Variants in LRTM3 observed in about 807,000 individuals in gnomAD.
The protein encoded by LRTM3 is leucine rich repeat transmembrane protein 3, also known as leucine-rich repeat transmembrane protein 3.
the LRTM3 span, chr13:102,738,588 A>T: frequency 2.3e-4 from 362 of 1,550,214 alleles, no homozygotes; most frequent in Non-Finnish European, 2.0e-4. Context: ...TCTTTTTGCA[A>T]TATAGATTCT....
At chr13:102,739,155 T>TCTA in the LRTM3 span, 1 of 1,550,014 alleles carries the variant, frequency 6.5e-7, no homozygotes, top group Admixed American at 2.0e-5. Flanking sequence ...TGAACTACAT[T>TCTA]TAGATTACTT....
the LRTM3 span, chr13:102,740,494 G>T: frequency 9.7e-6 from 15 of 1,550,040 alleles, no homozygotes; most frequent in East Asian, 2.4e-5. Flanking sequence ...GCTCCCAAAA[G>T]TTCTCATAGG....
the LRTM3 span, chr13:102,731,539 CT>C: frequency 6.4e-7 from 1 of 1,551,322 alleles, no homozygotes; most frequent in Non-Finnish European, 8.7e-7. Context: ...TATCTGGACC[CT>C]CTGGAAAAGG....
chr13:102,742,208 C>T, the LRTM3 span: 2 of 1,550,474 alleles, frequency 1.3e-6, no homozygotes, highest in South Asian at 1.2e-5. Context: ...CTGGATGTTA[C>T]CTCTCAGTTC....
chr13:102,750,837 A>G, the LRTM3 span, among the ~76,000 whole-genome samples: 19 of 152,288 alleles, frequency 1.2e-4, no homozygotes, highest in African/African-American at 4.6e-4. Flanking sequence ...GTTCTTTGAG[A>G]TCAAAAGAAA....
chr13:102,730,096 A>G, the LRTM3 span: 21 of 1,550,534 alleles, frequency 1.4e-5, no homozygotes, highest in African/African-American at 4.1e-5. Context: ...AAGATGATCT[A>G]TATTTCCTGC....
the LRTM3 span, chr13:102,744,064 A>G: frequency 6.4e-7 from 1 of 1,550,394 alleles, no homozygotes; most frequent in South Asian, 1.2e-5. Flanking sequence ...TACTCTTAGC[A>G]TATTCAGTGG....
chr13:102,758,555 T>G, the LRTM3 span: 2 of 1,547,958 alleles, frequency 1.3e-6, no homozygotes, highest in African/African-American at 2.7e-5. Context: ...AGTTTCCTGC[T>G]TTTGGGGCAA....
At chr13:102,746,844 T>C in the LRTM3 span, 706 of 1,551,324 alleles carry the variant, frequency 4.6e-4, 6 homozygotes, top group Middle Eastern at 1.7e-3. Flanking sequence ...TTTCCTGATA[T>C]TGGAGAAGGC....
the LRTM3 span, among the ~76,000 whole-genome samples, chr13:102,751,622 A>G: frequency 4.6e-5 from 7 of 152,212 alleles, no homozygotes; most frequent in Non-Finnish European, 1.0e-4. Context: ...TGCATATAAA[A>G]TAGGTCAGAT....
the LRTM3 span, chr13:102,735,951 T>C: frequency 1.9e-6 from 3 of 1,546,812 alleles, no homozygotes; most frequent in Non-Finnish European, 2.6e-6. Context: ...GAGTAGTTCT[T>C]TCCATTGCAT....
the LRTM3 span, chr13:102,758,528 T>C: frequency 6.5e-6 from 10 of 1,542,334 alleles, no homozygotes; most frequent in African/African-American, 4.1e-5. Flanking sequence ...AAATGTGAAA[T>C]TGTATAATAC....
chr13:102,735,097 C>T, the LRTM3 span: 5 of 1,551,198 alleles, frequency 3.2e-6, no homozygotes, highest in East Asian at 1.2e-4. Flanking sequence ...TCTTAGACAA[C>T]ATGACACCTG....
the LRTM3 span, chr13:102,748,395 C>A: frequency 6.4e-7 from 1 of 1,551,008 alleles, no homozygotes; most frequent in Non-Finnish European, 8.7e-7. Flanking sequence ...ATGAGCAAAC[C>A]GACATTTGAC....
chr13:102,734,016 G>T, the LRTM3 span: 1 of 1,551,442 alleles, frequency 6.4e-7, no homozygotes, highest in South Asian at 1.2e-5. Context: ...AGATAAAGAG[G>T]AGGTGCTGAC....
the LRTM3 span, chr13:102,733,358 A>C: frequency 6.4e-7 from 1 of 1,551,256 alleles, no homozygotes; most frequent in Middle Eastern, 1.7e-4. Flanking sequence ...TGGCTTATCA[A>C]ATTTACATGA....
At chr13:102,736,104 T>C in the LRTM3 span, 2 of 1,541,814 alleles carry the variant, frequency 1.3e-6, no homozygotes, top group Non-Finnish European at 1.8e-6. Context: ...TTATGTGAGC[T>C]AATACCTTCA....
chr13:102,742,425 T>C, the LRTM3 span: 1 of 1,547,464 alleles, frequency 6.5e-7, no homozygotes, highest in East Asian at 2.4e-5. Flanking sequence ...TGCTGTTTCT[T>C]TGGCAGGGCA....
the LRTM3 span, chr13:102,736,724 G>A: frequency 5.8e-6 from 9 of 1,550,282 alleles, no homozygotes; most frequent in South Asian, 4.8e-5. Context: ...GGAAAGGGGT[G>A]ATTTCTCTGC....
Sources: allele counts gnomAD v4.1 joint callset (sites outside exome capture counted in the v4.1 genomes callset), GRCh38; gene constraint gnomAD v4.1.1; transcripts MANE v1.5; gene names NCBI Gene and HGNC (gene_info 2026-07-23, HGNC 2026-07-21).